The following ADAMTSL1 variants were observed in gnomAD, a reference collection of about 807,000 sequenced individuals.
ADAMTSL1 encodes the protein ADAMTS-like protein 1.
ADAMTSL1 carries 126 observed loss-of-function variants against 201.8 expected under a neutral mutation model. The observed-to-expected ratio is 0.62, with a 90% CI of 0.54 to 0.72. The LOEUF (loss-of-function observed/expected upper bound fraction) is 0.72, where lower values mean the gene tolerates loss of function less well. Among genes scored for constraint, ADAMTSL1 ranks in the 30% least tolerant of loss-of-function variants. The pLI, the probability that ADAMTSL1 is intolerant of heterozygous loss-of-function variation, is 0.00. For synonymous variants in ADAMTSL1, 1,121 were observed against 903.4 expected, an observed-to-expected ratio of 1.24 and a Z score of -4.32; for missense variants, 2,679 against 2,277.8, an observed-to-expected ratio of 1.18 and a Z score of -3.59.
intron 4 of ADAMTSL1, among the ~76,000 whole-genome samples, chr9:18,580,800 A>G (rs1320900827): frequency 6.6e-6 from 1 of 152,206 alleles, no homozygotes; most frequent in Non-Finnish European, 1.5e-5. Flanking sequence ...GACAAGAAGG[A>G]TAGTCCCTGC....
rs1021894626 is a variant in ADAMTSL1 at position 18,381,063 on chromosome 9, T to C, written c.208-123766T>C. Among the ~76,000 whole-genome samples, 40 of 152,208 alleles carry C rather than the reference T, an allele frequency of 2.6e-4. 1 individual carries two copies. The highest frequency in any genetic ancestry group is 2.1e-4 in the South Asian group (1 of 4,834). Reference sequence around the variant, plus strand: ...ATGCGGTCTTCTCTAGACTGTTGAGTTCTTATTCTGGCTGAAATCATGAAA... The same window carrying C: ...ATGCGGTCTTCTCTAGACTGTTGAGCTCTTATTCTGGCTGAAATCATGAAA... On this transcript the variant is annotated intron_variant, in intron 2 of 29. Transcript: ENST00000680146.
chr9:18,193,797 T>G (rs577949303), intron 2 of ADAMTSL1, among the ~76,000 whole-genome samples: 10 of 152,074 alleles, frequency 6.6e-5, no homozygotes, highest in Middle Eastern at 3.4e-3. Context: ...TAGGGTTTTT[T>G]GGGGCAAAGA....
chr9:18,724,102 A>C (rs766403997), intron 15 of ADAMTSL1, among the ~76,000 whole-genome samples: 2 of 152,188 alleles, frequency 1.3e-5, no homozygotes, highest in Non-Finnish European at 2.9e-5. Context: ...GCTGCTATGC[A>C]TGTGTTTAAA....
chr9:18,295,282 G>A (rs894916389), intron 2 of ADAMTSL1, among the ~76,000 whole-genome samples: 8 of 151,924 alleles, frequency 5.3e-5, no homozygotes, highest in African/African-American at 1.7e-4. Flanking sequence ...ATAAGGAGAG[G>A]GCAAAATGGA....
chr9:18,685,896 C>T (rs1830801189), intron 13 of ADAMTSL1, among the ~76,000 whole-genome samples: 1 of 151,968 alleles, frequency 6.6e-6, no homozygotes, highest in African/African-American at 2.4e-5. Flanking sequence ...CAAAAGGATG[C>T]ACACATTAGA....
chr9:18,855,566 A>G (rs1453761517), intron 23 of ADAMTSL1, among the ~76,000 whole-genome samples: 4 of 152,192 alleles, frequency 2.6e-5, no homozygotes, highest in Non-Finnish European at 5.9e-5. Context: ...TAATATGTCT[A>G]TATCTGTTTA....
In ADAMTSL1 at chr9:18,494,875, C is replaced by G. The variant is rs182655643; in HGVS notation, c.64-9954C>G. 3.9e-5 allele frequency among the ~76,000 whole-genome samples: 6 copies of G among 152,218 alleles called. No homozygotes were observed. In the East Asian group the frequency reaches 1.2e-3, roughly 29 times the overall value. Reference sequence around the variant, plus strand: ...GTCCCATCAGCTTTAGGCAGTGGAGCCATAGAAAATCTCCTAGCAAGGAGT... The same window carrying G: ...GTCCCATCAGCTTTAGGCAGTGGAGGCATAGAAAATCTCCTAGCAAGGAGT... On this transcript the variant is annotated intron_variant, in intron 1 of 28. Coordinates refer to ENST00000380548, the MANE Select transcript of ADAMTSL1 (RefSeq NM_001040272.6).
At chr9:18,050,587 T>C (rs1243314914) in intron 1 of ADAMTSL1, among the ~76,000 whole-genome samples, 7 of 152,194 alleles carry the variant, frequency 4.6e-5, no homozygotes, top group Admixed American at 2.6e-4. Flanking sequence ...ATGGCCTTTT[T>C]CTAAGTCAGA....
intron 1 of ADAMTSL1, among the ~76,000 whole-genome samples, chr9:18,163,702 G>A (rs1827506478): frequency 6.6e-6 from 1 of 151,968 alleles, no homozygotes; most frequent in Non-Finnish European, 1.5e-5. Context: ...ATGCCAGAAT[G>A]TTCTAGTGGT....
chr9:18,319,047 A>G (rs544365982), intron 2 of ADAMTSL1, among the ~76,000 whole-genome samples: 1 of 152,246 alleles, frequency 6.6e-6, no homozygotes, highest in South Asian at 2.1e-4. Context: ...CATCTCAACA[A>G]ACAATTTTTA....
intron 2 of ADAMTSL1, among the ~76,000 whole-genome samples, chr9:18,192,619 A>G (rs182854633): frequency 2.0e-4 from 31 of 152,280 alleles, no homozygotes; most frequent in Admixed American, 7.2e-4. Context: ...ATTTTTGGAG[A>G]AGACATTTCT....
At chr9:18,060,114 T>A (rs1822384238) in intron 1 of ADAMTSL1, among the ~76,000 whole-genome samples, 1 of 152,168 alleles carries the variant, frequency 6.6e-6, no homozygotes, top group Non-Finnish European at 1.5e-5. Flanking sequence ...GGTTTATTCT[T>A]GTGCTTGCTT....
At chr9:18,125,859 A>C (rs998558216) in intron 1 of ADAMTSL1, among the ~76,000 whole-genome samples, 46 of 152,218 alleles carry the variant, frequency 3.0e-4, no homozygotes, top group Non-Finnish European at 4.4e-5. Context: ...GACTCTGACA[A>C]CAGGACTAAA....
At chr9:18,404,359 G>C (rs1818102697) in intron 2 of ADAMTSL1, among the ~76,000 whole-genome samples, 1 of 152,170 alleles carries the variant, frequency 6.6e-6, no homozygotes, top group Non-Finnish European at 1.5e-5. Flanking sequence ...CATCATGAAG[G>C]ATTTTATGAA....
intron 1 of ADAMTSL1, among the ~76,000 whole-genome samples, chr9:18,483,720 GGGATGCTGAGGCAGGA>G (rs939462805): frequency 6.6e-6 from 1 of 152,078 alleles, no homozygotes; most frequent in Non-Finnish European, 1.5e-5. Context: ...CCAGCTACTC[GGGATGCTGAGGCAGGA>G]GAATGGCGTG....
At chr9:18,313,675 T>C (rs1437276864) in intron 2 of ADAMTSL1, among the ~76,000 whole-genome samples, 1 of 152,182 alleles carries the variant, frequency 6.6e-6, no homozygotes, top group Non-Finnish European at 1.5e-5. Context: ...AAAACTTAAA[T>C]GCAACAGTCC....
At chr9:17,923,443 G>T (rs1826388970) in intron 1 of ADAMTSL1, among the ~76,000 whole-genome samples, 1 of 149,422 alleles carries the variant, frequency 6.7e-6, no homozygotes, top group Non-Finnish European at 1.5e-5. Flanking sequence ...CTCTCTGTTT[G>T]TCTGTTGTTG....
intron 23 of ADAMTSL1, among the ~76,000 whole-genome samples, chr9:18,857,796 G>A (rs908826085): frequency 1.3e-5 from 2 of 152,122 alleles, no homozygotes; most frequent in South Asian, 2.1e-4. Context: ...TATAATCTAT[G>A]CTATCCTAAC....
chr9:18,631,047 G>T (rs554892978), intron 5 of ADAMTSL1, among the ~76,000 whole-genome samples: 17 of 152,256 alleles, frequency 1.1e-4, no homozygotes, highest in Non-Finnish European at 1.9e-4. Context: ...CAGGATTATC[G>T]CCTGAGTGAG....
Sources: gnomAD v4.1 joint callset for allele counts (sites outside exome capture counted in the v4.1 genomes callset) on GRCh38, gnomAD v4.1.1 for gene constraint, MANE v1.5 for transcripts, NCBI Gene and HGNC (gene_info 2026-07-23, HGNC 2026-07-21) for gene names.